ENTPD7: variants seen among roughly 807,000 people sequenced by gnomAD.
ENTPD7 encodes ectonucleoside triphosphate diphosphohydrolase 7.
In ENTPD7, 53 loss-of-function variants were observed where a neutral mutation model predicts 77.9. The observed-to-expected ratio is 0.68, with a 90% CI of 0.55 to 0.85. ENTPD7 has a LOEUF of 0.85. Ranked by LOEUF, ENTPD7 falls within the 40% of genes least tolerant of loss-of-function variation. The pLI is 0.00. For synonymous variants in ENTPD7, 248 were observed against 274.9 expected, an observed-to-expected ratio of 0.90 and a Z score of 0.97; for missense variants, 636 against 743.7, an observed-to-expected ratio of 0.86 and a Z score of 1.68.
chr10:99,693,403 G>A (rs2035915379), intron 8 of ENTPD7, among the ~76,000 whole-genome samples: 1 of 152,186 alleles, frequency 6.6e-6, no homozygotes, highest in Non-Finnish European at 1.5e-5. Flanking sequence ...GGAAATGTGG[G>A]GGACTAACTA....
Position 99,698,724 on chromosome 10 carries a change from A to G in ENTPD7, c.1201A>G (p.Asn401Asp). The stretch of plus-strand genomic sequence containing the variant: ...CTCCAACACCAGCCAGGCCTCACTC[A>G]ATGGCATATATCAATCGCCTATTGA... ...ARSNTSQASL[N>D]GIYQSPIDFN... Residue 401 changes from asparagine to aspartate, a missense_variant, in exon 10 of 13, where the codon AAT (asparagine) becomes GAT (aspartate). Asn to Asp is a conservative substitution (Grantham distance 23, BLOSUM62 1). Around this residue, in one of 3 missense-constraint regions of ENTPD7, gnomAD observed 486 missense variants for 556.5 expected, o/e 0.87. Coordinates refer to ENST00000370489, the MANE Select transcript of ENTPD7 (RefSeq NM_020354.5). 2 of 1,614,212 alleles carry G rather than the reference A, an allele frequency of 1.2e-6. No individual in the cohort carries two copies. The highest frequency in any genetic ancestry group is 1.7e-6 in the Non-Finnish European group (2 of 1,180,034).
chr10:99,701,180 T>C (rs2036115266), intron 11 of ENTPD7, 122 bp downstream of exon 11: 1 of 939,120 alleles, frequency 1.1e-6, no homozygotes, highest in South Asian at 1.6e-5. Context: ...TATTCCAGAC[T>C]TGATTTTCTC....
At chr10:99,697,931 G>A (rs1205639439) in intron 9 of ENTPD7, 3 of 154,672 alleles carry the variant, frequency 1.9e-5, no homozygotes, top group African/African-American at 7.2e-5. Flanking sequence ...CAAAATAACT[G>A]GACCTGTGTT....
chr10:99,696,195 T>A, intron 9 of ENTPD7, 73 bp downstream of exon 9: 1 of 1,549,532 alleles, frequency 6.5e-7, no homozygotes, highest in Admixed American at 1.8e-5. Flanking sequence ...AATACTCACA[T>A]CCTCCTAAGA....
Position 99,704,535 on chromosome 10 carries a change from C to T in ENTPD7, c.1667C>T (p.Ala556Val). The change falls in exon 13 of 13, where the codon GCC becomes GTC. Residue 556 changes from alanine to valine, a missense_variant. Around this residue, in one of 3 missense-constraint regions of ENTPD7, gnomAD observed 138 missense variants for 150.9 expected, o/e 0.91. Coordinates refer to ENST00000370489, the MANE Select transcript of ENTPD7 (RefSeq NM_020354.5). ...GTATACAACCACTATCTCTTCTTTG[C>T]CTGTATCCTGGTGGTGCTACTGGCC... ...SFVYNHYLFFACILVVLLAIF... is the reference protein window; with the variant it reads ...SFVYNHYLFFVCILVVLLAIF... 1.2e-6 allele frequency: 2 copies of T among 1,614,184 alleles called. No homozygotes were observed. The highest frequency in any genetic ancestry group is 1.7e-6 in the Non-Finnish European group (2 of 1,180,030).
rs141659898 is a variant in ENTPD7, at chr10:99,665,119, G to T, written c.191+3491G>T. 3.2e-3 allele frequency among the ~76,000 whole-genome samples: 494 copies of T among 152,180 alleles called. 3 individuals carry two copies. The highest frequency in any genetic ancestry group is 0.011 in the African/African-American group (472 of 41,524). On this transcript the variant is annotated intron_variant, in intron 3 of 12. Transcript: ENST00000370489. ...ATATAAAAATTAGCCAGGCATGGTA[G>T]CATGCACCTGTAGTCCTTGCTTCCC...
In ENTPD7 at chr10:99,708,337, G is replaced by A. The variant is rs2036291624; in HGVS notation, c.*3654G>A. On this transcript the variant is annotated 3_prime_UTR_variant, in exon 13 of 13. Transcript: ENST00000370489. Reference sequence around the variant, plus strand: ...ACTTCTCACTGATATCATCTAAACAGATGCTTCTCACAGTTTTATGTTTTG... The same window carrying A: ...ACTTCTCACTGATATCATCTAAACAAATGCTTCTCACAGTTTTATGTTTTG... Among the ~76,000 whole-genome samples the A allele has an allele frequency of 6.6e-6, 1 of 152,120 alleles. No individual in the cohort carries two copies. The highest frequency in any genetic ancestry group is 2.4e-5 in the African/African-American group (1 of 41,420).
At chr10:99,688,562 C>A in intron 6 of ENTPD7, 132 bp from the exon 7 acceptor site, 1 of 723,236 alleles carries the variant, frequency 1.4e-6, no homozygotes, top group Non-Finnish European at 2.1e-6. Flanking sequence ...GAAATTCCTA[C>A]ATTGAGAGTA....
intron 3 of ENTPD7, among the ~76,000 whole-genome samples, chr10:99,669,861 T>A (rs2035599455): frequency 7.0e-6 from 1 of 142,710 alleles, no homozygotes; most frequent in Non-Finnish European, 1.5e-5. Flanking sequence ...GCCATTCTCC[T>A]GCCTCAGCCT....
intron 11 of ENTPD7, 145 bp downstream of exon 11, chr10:99,701,203 C>A: frequency 1.4e-6 from 1 of 702,742 alleles, no homozygotes; most frequent in Non-Finnish European, 2.4e-6. Flanking sequence ...GGATAGGGGC[C>A]AAAATAGTGA....
At chr10:99,692,335 C>T (rs1458333954) in intron 8 of ENTPD7, among the ~76,000 whole-genome samples, 1 of 152,196 alleles carries the variant, frequency 6.6e-6, no homozygotes, top group Non-Finnish European at 1.5e-5. Context: ...CCAGTTGTGA[C>T]AATCAAAAGT....
chr10:99,665,963 T>C (rs1175700762), intron 3 of ENTPD7, among the ~76,000 whole-genome samples: 1 of 152,218 alleles, frequency 6.6e-6, no homozygotes. Context: ...GTTTAATGCT[T>C]ATGGAATTTT....
chr10:99,669,986 T>C (rs1467432850), intron 3 of ENTPD7, among the ~76,000 whole-genome samples: 1 of 151,942 alleles, frequency 6.6e-6, no homozygotes, highest in African/African-American at 2.4e-5. Context: ...CCTGACCTCA[T>C]GATCCACCCG....
At chr10:99,671,726 G>A (rs1257132074) in intron 3 of ENTPD7, among the ~76,000 whole-genome samples, 1 of 152,094 alleles carries the variant, frequency 6.6e-6, no homozygotes, top group East Asian at 1.9e-4. Context: ...TTCACTTTTT[G>A]GTAGCCTCAC....
At chr10:99,682,590 C>T (rs556529992) in intron 5 of ENTPD7, among the ~76,000 whole-genome samples, 2 of 152,334 alleles carry the variant, frequency 1.3e-5, no homozygotes, top group East Asian at 1.9e-4. Flanking sequence ...CAATACAATA[C>T]AACTTACAAC....
At chr10:99,672,837 C>T (rs2035633110) in intron 3 of ENTPD7, among the ~76,000 whole-genome samples, 1 of 152,092 alleles carries the variant, frequency 6.6e-6, no homozygotes. Context: ...ATTAGTAGCC[C>T]CATACTCATG....
chr10:99,709,103 A>T lies in ENTPD7; in HGVS notation c.*4420A>T, dbSNP rs1201603586. 3 of 981,874 alleles carry T rather than the reference A, an allele frequency of 3.1e-6. No individual in the cohort carries two copies. Among genetic ancestry groups the T allele is most frequent in the Non-Finnish European group, 3.6e-6 (3 of 826,744 alleles). 60.8% of individuals were successfully genotyped at this position (981,874 alleles called of 1,614,324 possible). On this transcript the variant is annotated 3_prime_UTR_variant, in exon 13 of 13. Coordinates refer to ENST00000370489, the MANE Select transcript of ENTPD7 (RefSeq NM_020354.5). ...TTATACATCTTTTTAAAACAATTTT[A>T]TACAATTTCCTTTACTACAACATCC...
At chr10:99,678,754 G>A (rs1172840908) in intron 3 of ENTPD7, among the ~76,000 whole-genome samples, 1 of 134,972 alleles carries the variant, frequency 7.4e-6, no homozygotes, top group Non-Finnish European at 1.6e-5. Context: ...TCCAGTCTGG[G>A]TGACAGAATA....
At chr10:99,676,139 TG>T (rs1403889816) in intron 3 of ENTPD7, among the ~76,000 whole-genome samples, 1 of 152,214 alleles carries the variant, frequency 6.6e-6, no homozygotes, top group African/African-American at 2.4e-5. Context: ...TAGGGTCTTC[TG>T]TTAGTTTGGC....
Sources: gnomAD v4.1 joint callset for allele counts (sites outside exome capture counted in the v4.1 genomes callset) on GRCh38, gnomAD v4.1.1 for gene constraint, gnomAD v4.1.1 regional missense constraint, MANE v1.5 for transcripts, NCBI Gene and HGNC (gene_info 2026-07-23, HGNC 2026-07-21) for gene names.